The following ITGAM variants were observed in gnomAD, a reference collection of about 807,000 sequenced individuals.
ITGAM encodes integrin alpha-M.
ITGAM carries 79 observed loss-of-function variants against 137.5 expected under a neutral mutation model. That is an observed-to-expected ratio of 0.57 (90% CI 0.48 to 0.69). The LOEUF is 0.69. Among genes scored for constraint, ITGAM ranks in the 30% least tolerant of loss-of-function variants. The pLI is 0.00. For missense variants in ITGAM, 1,343 were observed against 1,483.5 expected, an observed-to-expected ratio of 0.91 and a Z score of 1.56; for synonymous variants, 583 against 592.3, an observed-to-expected ratio of 0.98 and a Z score of 0.23.
intron 2 of ITGAM, 69 bp downstream of exon 2, chr16:31,261,866 C>T (rs2079703853): frequency 6.4e-6 from 6 of 932,678 alleles, no homozygotes; most frequent in Non-Finnish European, 1.0e-5. Flanking sequence ...TGAAAAAAAT[C>T]AGCGATTTGA....
intron 7 of ITGAM, among the ~76,000 whole-genome samples, chr16:31,272,459 ATATATTTTTTTTTTTTTTTTTTTTT>A (rs1333465009): frequency 2.9e-4 from 3 of 10,374 alleles, no homozygotes; most frequent in African/African-American, 5.0e-4. Flanking sequence ...ATATATATAT[ATATATTTTTTTTTTTTTTTTTTTTT>A]TTTTTTTTTT....
rs2080589924 is a variant in ITGAM at position 31,331,879 on chromosome 16, G to T, written c.*172G>T. On this transcript the variant is annotated 3_prime_UTR_variant, in exon 30 of 30. Coordinates refer to ENST00000544665, the MANE Select transcript of ITGAM (RefSeq NM_000632.4). ...TATGTGCGTGTGTGCAAGTGTCTGT[G>T]TGCAAGTGTGTGCACATGTGTGCGT... 1 of 561,836 alleles carries T rather than the reference G, an allele frequency of 1.8e-6. No homozygotes were observed. Among genetic ancestry groups the T allele is most frequent in the Non-Finnish European group, 3.1e-6 (1 of 318,964 alleles). 34.8% of individuals were successfully genotyped at this position (561,836 alleles called of 1,614,324 possible).
intron 14 of ITGAM, among the ~76,000 whole-genome samples, chr16:31,301,081 G>A (rs957962038): frequency 5.3e-5 from 8 of 152,052 alleles, no homozygotes; most frequent in African/African-American, 1.9e-4. Context: ...AGTCTCACTT[G>A]GTTTGATGCA....
chr16:31,311,881 A>C (rs1277641495), intron 14 of ITGAM, among the ~76,000 whole-genome samples: 1 of 152,124 alleles, frequency 6.6e-6, no homozygotes, highest in African/African-American at 2.4e-5. Flanking sequence ...ACTTGGAACC[A>C]ACCCAAATGT....
At chr16:31,263,373 G>T (rs1269598164) in intron 2 of ITGAM, among the ~76,000 whole-genome samples, 1 of 152,254 alleles carries the variant, frequency 6.6e-6, no homozygotes, top group Non-Finnish European at 1.5e-5. Context: ...CTAGGACTGG[G>T]ATTGTGGTAT....
At chr16:31,290,029 C>T (rs909456228) in intron 12 of ITGAM, among the ~76,000 whole-genome samples, 2 of 143,496 alleles carry the variant, frequency 1.4e-5, no homozygotes, top group Non-Finnish European at 3.0e-5. Context: ...TATGGTGAGC[C>T]GAGATCATGC....
intron 14 of ITGAM, among the ~76,000 whole-genome samples, chr16:31,302,143 C>G (rs990927253): frequency 1.3e-5 from 2 of 152,144 alleles, no homozygotes; most frequent in African/African-American, 4.8e-5. Flanking sequence ...ATCATAGCAA[C>G]TATTTCTGAG....
At chr16:31,328,090 A>T in intron 22 of ITGAM, 57 bp from the exon 23 acceptor site, 1 of 1,306,628 alleles carries the variant, frequency 7.7e-7, no homozygotes, top group Non-Finnish European at 1.1e-6. Flanking sequence ...GAGAGGGAGG[A>T]GCAAAGACTA....
chr16:31,304,315 TG>T (rs1597016694), intron 14 of ITGAM, among the ~76,000 whole-genome samples: 1 of 152,214 alleles, frequency 6.6e-6, no homozygotes, highest in Non-Finnish European at 1.5e-5. Context: ...TGGGATTATT[TG>T]TTTTTTCCTT....
At chr16:31,269,693 G>C (rs1182402636) in intron 5 of ITGAM, among the ~76,000 whole-genome samples, 1 of 152,306 alleles carries the variant, frequency 6.6e-6, no homozygotes, top group Middle Eastern at 3.4e-3. Flanking sequence ...CCCTGGGCAA[G>C]CAGGTCTGTT....
chr16:31,291,753 G>T (rs2080089313), intron 12 of ITGAM, among the ~76,000 whole-genome samples: 1 of 152,040 alleles, frequency 6.6e-6, no homozygotes, highest in Non-Finnish European at 1.5e-5. Flanking sequence ...TCTCATGGAG[G>T]TAGAGAGTAG....
chr16:31,265,341 T>A, intron 2 of ITGAM, 54 bp from the exon 3 acceptor site: 1 of 993,280 alleles, frequency 1.0e-6, no homozygotes, highest in Non-Finnish European at 1.5e-6. Context: ...TCCTCTGTGG[T>A]CTCCTTCTCT....
In ITGAM at chr16:31,266,070, C is replaced by CT; in HGVS notation, c.350_351insT (p.Tyr118ValfsTer32). On this transcript the variant is annotated frameshift_variant, in exon 5 of 30. Transcript: ENST00000544665. LOFTEE classifies it high-confidence loss of function. ...GTGCACCAGACTTGCAGTGAGAACACGTATGTGAAAGGGCTCTGCTTCCTG... is the reference window on the plus strand; with the variant it reads ...GTGCACCAGACTTGCAGTGAGAACACTGTATGTGAAAGGGCTCTGCTTCCTG... 1 of 1,613,782 alleles carries CT rather than the reference C, an allele frequency of 6.2e-7. No individual in the cohort carries two copies. The highest frequency in any genetic ancestry group is 1.3e-5 in the African/African-American group (1 of 74,912).
Position 31,275,623 on chromosome 16 carries a change from C to T in ITGAM, c.933C>T (p.His311=), listed in dbSNP as rs757822936. 9.3e-6 allele frequency: 15 copies of T among 1,613,782 alleles called. No homozygotes were observed. The highest frequency in any genetic ancestry group is 2.7e-5 in the African/African-American group (2 of 74,900). ...TCGCATCCAAGCCGCCTCGTGATCACGTGTTCCAGGTGAATAACTTTGAGG... is the reference window on the plus strand; with the variant it reads ...TCGCATCCAAGCCGCCTCGTGATCATGTGTTCCAGGTGAATAACTTTGAGG... ...NTIASKPPRD[H]VFQVNNFEAL... is the part of the protein sequence containing the mutation. Residue 311 remains histidine (H), a synonymous_variant, in exon 9 of 30, where the codon CAC becomes CAT. Coordinates refer to ENST00000544665, the MANE Select transcript of ITGAM (RefSeq NM_000632.4).
intron 21 of ITGAM, among the ~76,000 whole-genome samples, chr16:31,326,484 T>A (rs1011399961): frequency 6.6e-6 from 1 of 152,224 alleles, no homozygotes; most frequent in Non-Finnish European, 1.5e-5. Context: ...TGGTGCAATC[T>A]TGGCTCACTG....
chr16:31,310,475 A>C (rs1294012187), intron 14 of ITGAM, among the ~76,000 whole-genome samples: 4 of 152,020 alleles, frequency 2.6e-5, no homozygotes, highest in African/African-American at 7.3e-5. Flanking sequence ...CCTTTCTTCC[A>C]GTTGATCGCG....
At chr16:31,329,434 A>C in intron 24 of ITGAM, 131 bp downstream of exon 24, 1 of 714,892 alleles carries the variant, frequency 1.4e-6, no homozygotes, top group Non-Finnish European at 2.5e-6. Flanking sequence ...CCACGCTGCT[A>C]TCACTCAGTA....
chr16:31,285,205 G>A (rs948592076), intron 12 of ITGAM, among the ~76,000 whole-genome samples: 1 of 152,138 alleles, frequency 6.6e-6, no homozygotes, highest in East Asian at 1.9e-4. Context: ...TCCATACCAT[G>A]TCTGGAATCT....
intron 2 of ITGAM, 33 bp from the exon 3 acceptor site, chr16:31,265,362 C>T (rs372156168): frequency 1.4e-5 from 19 of 1,317,374 alleles, no homozygotes; most frequent in South Asian, 9.3e-5. Flanking sequence ...CCCCACATGT[C>T]GAAGTTTTCT....
Sources: allele counts gnomAD v4.1 joint callset (sites outside exome capture counted in the v4.1 genomes callset), GRCh38; gene constraint gnomAD v4.1.1; transcripts MANE v1.5; gene names NCBI Gene and HGNC (gene_info 2026-07-23, HGNC 2026-07-21).